CHD7: variants seen among roughly 807,000 people sequenced by gnomAD.
CHD7 encodes the protein chromodomain helicase DNA binding protein 7.
In CHD7, 24 loss-of-function variants were observed where a neutral mutation model predicts 307.3. That is an observed-to-expected ratio of 0.08 (90% CI 0.06 to 0.11). CHD7 has a LOEUF of 0.11. CHD7 is among the 10% of genes least tolerant of loss of function. CHD7 has a pLI of 1.00. For missense variants in CHD7, 3,106 were observed against 3,727.1 expected, an observed-to-expected ratio of 0.83 and a Z score of 4.34; for synonymous variants, 1,363 against 1,349.9, an observed-to-expected ratio of 1.01 and a Z score of -0.21.
intron 2 of CHD7, among the ~76,000 whole-genome samples, chr8:60,747,357 C>T (rs1352590714): frequency 6.6e-6 from 1 of 152,100 alleles, no homozygotes; most frequent in Non-Finnish European, 1.5e-5. Context: ...GGATTACAGG[C>T]ATGAGCCACC....
At chr8:60,831,010 C>A (rs1656325234) in intron 15 of CHD7, among the ~76,000 whole-genome samples, 1 of 152,178 alleles carries the variant, frequency 6.6e-6, no homozygotes, top group Non-Finnish European at 1.5e-5. Flanking sequence ...TCCTCATCTT[C>A]CTCTCAGTCC....
intron 4 of CHD7, among the ~76,000 whole-genome samples, 189 bp from the exon 5 acceptor site, chr8:60,800,199 T>G (rs528747454): frequency 6.6e-6 from 1 of 151,914 alleles, no homozygotes; most frequent in South Asian, 2.1e-4. Flanking sequence ...CCCGGCTAAT[T>G]TTTTTTGTAT....
chr8:60,758,288 A>AT (rs1157130972), intron 2 of CHD7, among the ~76,000 whole-genome samples: 4 of 151,804 alleles, frequency 2.6e-5, no homozygotes, highest in African/African-American at 7.3e-5. Flanking sequence ...CACCTGGCTA[A>AT]TTTTTTTGTA....
chr8:60,703,972 C>G (rs561176823), intron 1 of CHD7, among the ~76,000 whole-genome samples: 1 of 152,224 alleles, frequency 6.6e-6, no homozygotes, highest in South Asian at 2.1e-4. Flanking sequence ...TCATCCAGTT[C>G]TTTTGTTCCT....
intron 7 of CHD7, among the ~76,000 whole-genome samples, chr8:60,814,615 T>C (rs1004754455): frequency 1.3e-5 from 2 of 152,164 alleles, no homozygotes; most frequent in African/African-American, 4.8e-5. Flanking sequence ...CCTAGCTGAT[T>C]TTTGTATTTT....
intron 1 of CHD7, among the ~76,000 whole-genome samples, chr8:60,680,320 C>T (rs191468643): frequency 0.054 from 7,372 of 136,352 alleles, 280 homozygotes; most frequent in Non-Finnish European, 0.075. Context: ...GCTGGGGGCG[C>T]GGGGCTCGGG....
chr8:60,714,513 C>T (rs1039787675), intron 1 of CHD7, among the ~76,000 whole-genome samples: 2 of 151,772 alleles, frequency 1.3e-5, no homozygotes, highest in African/African-American at 2.4e-5. Flanking sequence ...CCCGTGCGCA[C>T]CGCTGTAGGG....
At chr8:60,819,951 T>G in intron 8 of CHD7, 56 bp from the exon 9 acceptor site, 1 of 1,131,650 alleles carries the variant, frequency 8.8e-7, no homozygotes, top group East Asian at 2.5e-5. Context: ...AGTGGAATAG[T>G]ATTTCATCTT....
Position 60,865,954 on chromosome 8 carries a change from A to G in CHD7, c.*21A>G, listed in dbSNP as rs1279774618. ...AATAACCAGTACCAGTTCCAGTTCA[A>G]GTGTTTAAAACTTTTGACAAGTGGT... On this transcript the variant is annotated 3_prime_UTR_variant, in exon 38 of 38. Coordinates refer to ENST00000423902, the MANE Select transcript of CHD7 (RefSeq NM_017780.4). The surrounding 1 kb of genome is among the most constrained non-coding windows in gnomAD (Gnocchi z 4.3). 1 of 1,572,974 alleles carries G rather than the reference A, an allele frequency of 6.4e-7. No homozygotes were observed. Among genetic ancestry groups the G allele is most frequent in the Non-Finnish European group, 8.6e-7 (1 of 1,157,672 alleles).
At chr8:60,693,251 G>T (rs1806289988) in intron 1 of CHD7, among the ~76,000 whole-genome samples, 1 of 152,206 alleles carries the variant, frequency 6.6e-6, no homozygotes, top group African/African-American at 2.4e-5. Context: ...CTGTCAACTT[G>T]CACGGTTGGG....
rs139073938 is a variant in CHD7, at chr8:60,693,281, A to T, written c.-175+14199A>T. Among the ~76,000 whole-genome samples, 408 of 152,284 alleles carry T rather than the reference A, an allele frequency of 2.7e-3. 3 individuals carry two copies. Among genetic ancestry groups the T allele is most frequent in the African/African-American group, 9.5e-3 (393 of 41,582 alleles). ...GTTGGGGAGAGTACAGCAAAGACCCATGTTAGGGGGACCCTTTCCTTGCTT... is the reference window on the plus strand; with the variant it reads ...GTTGGGGAGAGTACAGCAAAGACCCTTGTTAGGGGGACCCTTTCCTTGCTT... On this transcript the variant is annotated intron_variant, in intron 1 of 37. Transcript: ENST00000423902.
chr8:60,711,433 T>C (rs960483852), intron 1 of CHD7, among the ~76,000 whole-genome samples: 1 of 152,150 alleles, frequency 6.6e-6, no homozygotes. Flanking sequence ...TAATTAGAAA[T>C]TGTCCCTGTC....
rs149287142 is a variant in CHD7 at position 60,729,788 on chromosome 8, TTA to T, written c.-174-11467_-174-11466del. On this transcript the variant is annotated intron_variant, in intron 1 of 37. Coordinates refer to ENST00000423902, the MANE Select transcript of CHD7 (RefSeq NM_017780.4). ...GTCTTCTCACTGCACTTACTTTTTC[TTA>T]TATTACAGTCTCTTTGCTAACTTGA... is the stretch of plus-strand genomic sequence containing the variant. 6.4e-4 allele frequency among the ~76,000 whole-genome samples: 98 copies of T among 152,368 alleles called. 2 individuals are homozygous for T. In the East Asian group the frequency reaches 0.018, roughly 28 times the overall value.
At chr8:60,715,648 A>G (rs1406732720) in intron 1 of CHD7, among the ~76,000 whole-genome samples, 3 of 152,064 alleles carry the variant, frequency 2.0e-5, no homozygotes, top group Admixed American at 6.6e-5. Flanking sequence ...CACTTGGCCA[A>G]AGGAGCTTCC....
At position 60,822,037 on chromosome 8, in the gene CHD7, C is replaced by A; in HGVS notation, c.2849C>A (p.Ala950Asp). The change falls in exon 11 of 38, where the codon GCT becomes GAT. Residue 950 changes from alanine to aspartate, a missense_variant. Coordinates refer to ENST00000423902, the MANE Select transcript of CHD7 (RefSeq NM_017780.4). ...PETERVERPPADDWKKSESSR... is the reference protein window; with the variant it reads ...PETERVERPPDDDWKKSESSR... ...TATTTGAAACAGGAGCGACCTCCTG[C>A]TGATGATTGGAAGAAATCGGAGAGT... 6.2e-7 allele frequency: 1 copy of A among 1,613,754 alleles called. No homozygotes were observed. The highest frequency in any genetic ancestry group is 8.5e-7 in the Non-Finnish European group (1 of 1,179,762).
intron 21 of CHD7, among the ~76,000 whole-genome samples, chr8:60,843,773 C>T (rs1426429477): frequency 6.6e-6 from 1 of 152,192 alleles, no homozygotes; most frequent in Non-Finnish European, 1.5e-5. Context: ...TGGTGGATAT[C>T]ACAAATCAGC....
At chr8:60,844,813 C>T (rs1338150568) in intron 21 of CHD7, 51 bp from the exon 22 acceptor site, 17 of 1,459,594 alleles carry the variant, frequency 1.2e-5, no homozygotes, top group Non-Finnish European at 1.6e-5. Context: ...AAAGTAAAGC[C>T]ATAAATCAAA....
intron 2 of CHD7, among the ~76,000 whole-genome samples, chr8:60,744,853 T>TA (rs149381181): frequency 2.1e-5 from 3 of 141,244 alleles, no homozygotes; most frequent in African/African-American, 5.2e-5. Context: ...AGACTCCATC[T>TA]AAAAAAAAAA....
At chr8:60,820,200 G>T in intron 9 of CHD7, 110 bp downstream of exon 9, 1 of 528,046 alleles carries the variant, frequency 1.9e-6, no homozygotes, top group Non-Finnish European at 3.3e-6. Context: ...CTTGGACTGT[G>T]ACACACTTGG....
Sources: gnomAD v4.1 joint callset for allele counts (sites outside exome capture counted in the v4.1 genomes callset) on GRCh38, gnomAD v4.1.1 for gene constraint, Gnocchi (gnomAD v3.1) non-coding constraint, MANE v1.5 for transcripts, NCBI Gene and HGNC (gene_info 2026-07-23, HGNC 2026-07-21) for gene names.